GON4L: variants seen among roughly 807,000 people sequenced by gnomAD.
GON4L encodes the protein gon-4 like.
Under a neutral mutation model 211.8 loss-of-function variants are expected in GON4L, and 87 were observed. The ratio of observed to expected loss-of-function variants is 0.41; its 90% CI spans 0.35 to 0.49. GON4L has a LOEUF of 0.49. GON4L is among the 20% of genes least tolerant of loss of function. The pLI is 0.15. For synonymous variants in GON4L, 875 were observed against 962.6 expected, an observed-to-expected ratio of 0.91 and a Z score of 1.68; for missense variants, 2,155 against 2,659.5, an observed-to-expected ratio of 0.81 and a Z score of 4.17.
rs543301307 is a variant in GON4L, at chr1:155,751,634, C to G, written c.6576+133G>C. 1.4e-4 allele frequency: 95 copies of G among 666,244 alleles called. 1 individual carries two copies. Among genetic ancestry groups the G allele is most frequent in the Non-Finnish European group, 2.2e-4 (79 of 365,734 alleles). The allele number at this position is 666,244 out of a possible 1,614,324, so 41.3% of individuals were successfully genotyped here. On this transcript the variant is annotated intron_variant, in intron 31 of 31. Transcript: ENST00000368331. ...ACCACTACCACCCTGATGAGTCAAG[C>G]CTTTCCTTAGATCAAACCTTTACAA...
intron 19 of GON4L, among the ~76,000 whole-genome samples, chr1:155,768,564 T>C (rs1662819606): frequency 1.4e-5 from 2 of 139,808 alleles, no homozygotes; most frequent in South Asian, 2.3e-4. Context: ...TGAGCCGAGA[T>C]CACACCACTG....
At chr1:155,749,213 T>C (rs1166089402), downstream of GON4L, 2 of 1,406,372 alleles carry the variant, frequency 1.4e-6, no homozygotes, top group Non-Finnish European at 2.0e-6. Flanking sequence ...GATCACACCA[T>C]TGCACTCCAG....
At chr1:155,758,639 G>C (rs1399676095) in intron 24 of GON4L, among the ~76,000 whole-genome samples, 5 of 152,154 alleles carry the variant, frequency 3.3e-5, no homozygotes, top group Non-Finnish European at 7.4e-5. Flanking sequence ...AGCACTTCGG[G>C]AAGCCGAGGT....
intron 14 of GON4L, among the ~76,000 whole-genome samples, chr1:155,779,524 C>T (rs1664196298): frequency 6.6e-6 from 1 of 151,838 alleles, no homozygotes; most frequent in African/African-American, 2.4e-5. Flanking sequence ...ATCATGTTGG[C>T]CAGGATGGTC....
At chr1:155,764,741 T>C in intron 21 of GON4L, 1 of 1,147,406 alleles carries the variant, frequency 8.7e-7, no homozygotes, top group South Asian at 1.4e-5. Context: ...GCCCAGCCTA[T>C]TACTATTTTT....
intron 12 of GON4L, among the ~76,000 whole-genome samples, chr1:155,790,052 ACT>A (rs568544609): frequency 6.6e-6 from 1 of 151,398 alleles, no homozygotes; most frequent in Non-Finnish European, 1.5e-5. Context: ...GATCCTCCTG[ACT>A]CTGTCTCCAG....
intron 17 of GON4L, chr1:155,773,530 T>A: frequency 3.4e-6 from 1 of 295,238 alleles, no homozygotes; most frequent in Non-Finnish European, 6.4e-6. Context: ...ATGTTTTACC[T>A]CCTTCCCCCC....
intron 24 of GON4L, among the ~76,000 whole-genome samples, chr1:155,759,369 C>T (rs933371443): frequency 3.3e-5 from 5 of 152,014 alleles, no homozygotes; most frequent in African/African-American, 9.7e-5. Context: ...GTCTGGAGTT[C>T]GAGACCAGCC....
Position 155,820,459 on chromosome 1 carries a change from G to A in GON4L, c.1014+147C>T, listed in dbSNP as rs1023098167. 7.4e-6 allele frequency: 5 copies of A among 680,228 alleles called. 1 individual carries two copies. Among genetic ancestry groups the A allele is most frequent in the South Asian group, 6.1e-5 (4 of 65,200 alleles). 42.1% of individuals were successfully genotyped at this position (680,228 alleles called of 1,614,324 possible). A position where few individuals can be genotyped will look rare whatever the true frequency, so the allele number is the denominator to read the frequency against. ...TATGATTATCATAGCTTATGATCAT[G>A]TAGAAACAATTCTACTGTCTTTTAT... On this transcript the variant is annotated intron_variant, in intron 6 of 31. Coordinates refer to ENST00000368331, the MANE Select transcript of GON4L (RefSeq NM_001282860.2).
rs796569375 is a variant in GON4L, at chr1:155,822,547, C to G, written c.698-71G>C. 1.9e-5 allele frequency: 21 copies of G among 1,093,638 alleles called. No homozygotes were observed. The African/African-American group carries it at 2.9e-4, about 15-fold the overall frequency. 67.7% of individuals were successfully genotyped at this position (1,093,638 alleles called of 1,614,324 possible). On this transcript the variant is annotated intron_variant, in intron 3 of 31. Coordinates refer to ENST00000368331, the MANE Select transcript of GON4L (RefSeq NM_001282860.2). ...CCAGGAACTTAGCCCAGAAAGCCAA[C>G]AGTAAAGTGGATAAATCTCAAAAGC...
chr1:155,745,359 G>C (rs770861791), downstream of GON4L, among the ~76,000 whole-genome samples: 2 of 152,272 alleles, frequency 1.3e-5, no homozygotes, highest in Non-Finnish European at 2.9e-5. Context: ...CTTCTGAAGA[G>C]TCGTGATCCG....
chr1:155,777,785 T>C lies in GON4L; in HGVS notation c.1928A>G (p.Gln643Arg). 6.2e-7 allele frequency: 1 copy of C among 1,613,628 alleles called. No individual in the cohort carries two copies. The highest frequency in any genetic ancestry group is 8.5e-7 in the Non-Finnish European group (1 of 1,179,580). Residue 643 changes from glutamine to arginine, a missense_variant, in exon 15 of 32, where the codon CAA becomes CGA. This residue lies in a region of GON4L where 551 missense variants were observed against 854.0 expected (regional missense o/e 0.65). Coordinates refer to ENST00000368331, the MANE Select transcript of GON4L (RefSeq NM_001282860.2). ...EEPLANLLNE[Q>R]HRTVKELFEQ... Reference sequence around the variant, plus strand: ...AAATAGCTCCTTCACTGTCCGATGTTGTTCATTTAACAGGTTGGCCAGTGG... The same window carrying C: ...AAATAGCTCCTTCACTGTCCGATGTCGTTCATTTAACAGGTTGGCCAGTGG...
At chr1:155,804,244 G>A (rs1380474967) in intron 11 of GON4L, among the ~76,000 whole-genome samples, 2 of 152,064 alleles carry the variant, frequency 1.3e-5, no homozygotes, top group East Asian at 3.9e-4. Context: ...AAGGTGGTGC[G>A]TGCCTATAAT....
At chr1:155,783,906 T>G in intron 14 of GON4L, 80 bp downstream of exon 14, 1 of 1,590,176 alleles carries the variant, frequency 6.3e-7, no homozygotes, top group African/African-American at 1.3e-5. Flanking sequence ...GATGAAAAAT[T>G]ATCAATTGCA....
chr1:155,762,658 T>C (rs1438287978), intron 22 of GON4L, among the ~76,000 whole-genome samples: 1 of 152,222 alleles, frequency 6.6e-6, no homozygotes, highest in Non-Finnish European at 1.5e-5. Flanking sequence ...TTTGAGAGAC[T>C]ATGTCTTGAT....
At chr1:155,838,448 AG>A (rs1250989839) in intron 2 of GON4L, among the ~76,000 whole-genome samples, 1 of 152,168 alleles carries the variant, frequency 6.6e-6, no homozygotes, top group Admixed American at 6.5e-5. Context: ...ATGGTTAACC[AG>A]GAAATAACTT....
chr1:155,751,509 A>G (rs1417929051), intron 31 of GON4L, among the ~76,000 whole-genome samples: 1 of 152,200 alleles, frequency 6.6e-6, no homozygotes, highest in Non-Finnish European at 1.5e-5. Flanking sequence ...AGATTGTGCC[A>G]CTGCACTCCA....
At chr1:155,771,004 C>T (rs1663136803) in intron 19 of GON4L, 63 bp downstream of exon 19, 1 of 1,605,274 alleles carries the variant, frequency 6.2e-7, no homozygotes. Flanking sequence ...TTGAGAATAA[C>T]AAGATAAAAG....
chr1:155,767,560 C>T lies in GON4L; in HGVS notation c.2647-19G>A, dbSNP rs780888543. 1.1e-5 allele frequency: 18 copies of T among 1,600,246 alleles called. No individual in the cohort carries two copies. Among genetic ancestry groups the T allele is most frequent in the South Asian group, 8.9e-5 (8 of 89,844 alleles). On this transcript the variant is annotated intron_variant, in intron 19 of 31. Transcript: ENST00000368331. Reference sequence around the variant, plus strand: ...TATAAAACTTAACATGAAAAAAATGCGCATGAATTACATTCCTTCTGGAAA... The same window carrying T: ...TATAAAACTTAACATGAAAAAAATGTGCATGAATTACATTCCTTCTGGAAA...
Sources: gnomAD v4.1 joint callset for allele counts (sites outside exome capture counted in the v4.1 genomes callset) on GRCh38, gnomAD v4.1.1 for gene constraint, gnomAD v4.1.1 regional missense constraint, MANE v1.5 for transcripts, NCBI Gene and HGNC (gene_info 2026-07-23, HGNC 2026-07-21) for gene names.